SNTB1: variants seen among roughly 807,000 people sequenced by gnomAD.
SNTB1 encodes the protein beta-1-syntrophin.
In SNTB1, 36 loss-of-function variants were observed where a neutral mutation model predicts 48.9. That is an observed-to-expected ratio of 0.74 (90% CI 0.56 to 0.97). SNTB1 has a LOEUF of 0.97. Ranked by LOEUF, SNTB1 falls within the 50% of genes least tolerant of loss-of-function variation. The pLI is 0.00. For synonymous variants in SNTB1, 299 were observed against 294.6 expected (o/e 1.01, Z -0.15); for missense variants, 786 against 703.4 (o/e 1.12, Z -1.33).
chr8:120,683,483 C>T (rs544511108), intron 2 of SNTB1, among the ~76,000 whole-genome samples: 16 of 152,016 alleles, frequency 1.1e-4, no homozygotes, highest in South Asian at 4.2e-4. Context: ...GGGGTGGGGG[C>T]GGCATTACAA....
intron 4 of SNTB1, chr8:120,571,001 T>C: frequency 3.6e-6 from 1 of 278,202 alleles, no homozygotes; most frequent in East Asian, 9.4e-5. Context: ...TAATGCTAGG[T>C]TCACAAGTTT....
intron 4 of SNTB1, among the ~76,000 whole-genome samples, chr8:120,552,400 C>T (rs1563815347): frequency 6.6e-6 from 1 of 152,104 alleles, no homozygotes; most frequent in Non-Finnish European, 1.5e-5. Context: ...ACAGAGTCAC[C>T]CAGGCTGGAG....
intron 2 of SNTB1, chr8:120,635,420 T>C (rs2130757601): frequency 6.6e-6 from 1 of 152,382 alleles, no homozygotes; most frequent in Middle Eastern, 3.4e-3. Context: ...TATTCATTAT[T>C]CTAGGAATTT....
At chr8:120,728,408 G>A (rs1027825650) in intron 1 of SNTB1, among the ~76,000 whole-genome samples, 3 of 152,116 alleles carry the variant, frequency 2.0e-5, no homozygotes, top group Non-Finnish European at 4.4e-5. Flanking sequence ...GTGACGCTGA[G>A]GTTTGGGATA....
intron 5 of SNTB1, among the ~76,000 whole-genome samples, chr8:120,545,302 C>A (rs1175447946): frequency 2.0e-5 from 3 of 152,154 alleles, no homozygotes; most frequent in Non-Finnish European, 4.4e-5. Flanking sequence ...CGAGATCATG[C>A]CATTGCACTC....
intron 5 of SNTB1, among the ~76,000 whole-genome samples, chr8:120,542,855 A>G (rs999997805): frequency 6.6e-6 from 1 of 152,178 alleles, no homozygotes; most frequent in Non-Finnish European, 1.5e-5. Flanking sequence ...ATTTTTTAAT[A>G]GTATAAAAAA....
At chr8:120,631,596 A>C (rs1161657956) in intron 3 of SNTB1, among the ~76,000 whole-genome samples, 1 of 152,032 alleles carries the variant, frequency 6.6e-6, no homozygotes, top group Non-Finnish European at 1.5e-5. Flanking sequence ...CCCAAAGTCC[A>C]GTGTTCCTGA....
chr8:120,747,054 T>C (rs1229312844), intron 1 of SNTB1, among the ~76,000 whole-genome samples: 4 of 150,230 alleles, frequency 2.7e-5, no homozygotes, highest in African/African-American at 9.9e-5. Context: ...AAAATGTCCA[T>C]GGTGTATTTT....
At chr8:120,797,168 C>A (rs1437358720) in intron 1 of SNTB1, among the ~76,000 whole-genome samples, 1 of 151,926 alleles carries the variant, frequency 6.6e-6, no homozygotes, top group East Asian at 1.9e-4. Context: ...GAGTGATAAA[C>A]ACACCGTACA....
At chr8:120,718,477 T>C (rs930002620) in intron 1 of SNTB1, among the ~76,000 whole-genome samples, 1 of 152,266 alleles carries the variant, frequency 6.6e-6, no homozygotes, top group Non-Finnish European at 1.5e-5. Context: ...CATTAGGCTC[T>C]GGCAAAGAAG....
rs530307799 is a variant in SNTB1, at chr8:120,562,888, G to T, written c.1136+12198C>A. ...TTGCTACCGCTCAAAAAAAGAAAAAGAAAAAGAAAAAGAAAAAGAAACGGG... is the reference window on the plus strand; with the variant it reads ...TTGCTACCGCTCAAAAAAAGAAAAATAAAAAGAAAAAGAAAAAGAAACGGG... On this transcript the variant is annotated intron_variant, in intron 4 of 6. Coordinates refer to ENST00000517992, the MANE Select transcript of SNTB1 (RefSeq NM_021021.4). Among the ~76,000 whole-genome samples, 13 of 143,090 alleles carry T rather than the reference G, an allele frequency of 9.1e-5. No homozygotes were observed. In the South Asian group the frequency reaches 2.7e-3, roughly 30 times the overall value. 93.9% of individuals were successfully genotyped at this position (143,090 alleles called of 152,430 possible).
At chr8:120,789,637 T>C (rs1288760881) in intron 1 of SNTB1, among the ~76,000 whole-genome samples, 1 of 151,744 alleles carries the variant, frequency 6.6e-6, no homozygotes, top group Non-Finnish European at 1.5e-5. Flanking sequence ...TCTAGAGAAA[T>C]TGGATAAATT....
At chr8:120,767,466 G>C (rs1468404465) in intron 1 of SNTB1, among the ~76,000 whole-genome samples, 3 of 152,150 alleles carry the variant, frequency 2.0e-5, no homozygotes, top group Non-Finnish European at 4.4e-5. Flanking sequence ...TTGCAAGTTA[G>C]TTGGCTTGCT....
rs1815930738 is a variant in SNTB1 at position 120,575,145 on chromosome 8, C to T, written c.1077G>A (p.Met359Ile). The T allele has an allele frequency of 1.2e-6, 2 of 1,614,166 alleles. No individual in the cohort carries two copies. The highest frequency in any genetic ancestry group is 1.7e-6 in the Non-Finnish European group (2 of 1,180,014). ...TEKDLLIYDS[M>I]PRRKEAWFSP... ...TGAACCAGGCTTCCTTCCTCCGTGG[C>T]ATGCTGTCATAGATTAAAAGGTCTT... Residue 359 changes from methionine to isoleucine, a missense_variant, in exon 4 of 7, where the codon ATG becomes ATA. Physicochemically the swap from Met to Ile is conservative, Grantham distance 10 (BLOSUM62 1). Transcript: ENST00000517992.
At chr8:120,781,445 TTAAG>T in intron 1 of SNTB1, among the ~76,000 whole-genome samples, 1 of 152,310 alleles carries the variant, frequency 6.6e-6, no homozygotes, top group Non-Finnish European at 1.5e-5. Flanking sequence ...ATGAAAACTA[TTAAG>T]TGTTATTACT....
chr8:120,677,952 C>T (rs141016659), intron 2 of SNTB1, among the ~76,000 whole-genome samples: 2 of 151,924 alleles, frequency 1.3e-5, no homozygotes, highest in African/African-American at 4.8e-5. Flanking sequence ...GGTTTGGTTT[C>T]CAGGTAACAT....
At chr8:120,555,463 T>C (rs1162972900) in intron 4 of SNTB1, among the ~76,000 whole-genome samples, 1 of 152,186 alleles carries the variant, frequency 6.6e-6, no homozygotes, top group Non-Finnish European at 1.5e-5. Context: ...CCAGTTGATC[T>C]GTGCCATCTT....
At chr8:120,759,546 C>T (rs1219793458) in intron 1 of SNTB1, among the ~76,000 whole-genome samples, 3 of 152,190 alleles carry the variant, frequency 2.0e-5, no homozygotes, top group Non-Finnish European at 4.4e-5. Flanking sequence ...GAAGTGGCCA[C>T]AGCAGCCATA....
rs576116800 is a variant in SNTB1, at chr8:120,639,817, C to T, written c.789-7166G>A. 9.2e-5 allele frequency among the ~76,000 whole-genome samples: 14 copies of T among 152,272 alleles called. No individual in the cohort carries two copies. In the East Asian group the frequency reaches 2.7e-3, roughly 29 times the overall value. On this transcript the variant is annotated intron_variant, in intron 2 of 6. Coordinates refer to ENST00000517992, the MANE Select transcript of SNTB1 (RefSeq NM_021021.4). ...CAGTTTGAAGTCAGGTAGCATGATG[C>T]CTTCAGCTTTGCTCTCTTGACTTAG...
Sources: allele counts gnomAD v4.1 joint callset (sites outside exome capture counted in the v4.1 genomes callset), GRCh38; gene constraint gnomAD v4.1.1; transcripts MANE v1.5; gene names NCBI Gene and HGNC (gene_info 2026-07-23, HGNC 2026-07-21).